Variants in AGPAT4 observed in about 807,000 individuals in gnomAD.
AGPAT4 encodes 1-acyl-sn-glycerol-3-phosphate acyltransferase delta.
A neutral mutation model predicts 48.0 loss-of-function variants in AGPAT4; 15 were observed. The ratio of observed to expected loss-of-function variants is 0.31; its 90% CI spans 0.21 to 0.48. The LOEUF (loss-of-function observed/expected upper bound fraction) is 0.48, where lower values mean the gene tolerates loss of function less well. AGPAT4 is among the 20% of genes least tolerant of loss of function. The pLI is 0.99. For missense variants in AGPAT4, 314 were observed against 482.5 expected (o/e 0.65, Z 3.27); for synonymous variants, 178 against 198.7 (o/e 0.90, Z 0.88).
intron 2 of AGPAT4, among the ~76,000 whole-genome samples, chr6:161,188,595 C>T (rs1174298377): frequency 6.6e-6 from 1 of 152,136 alleles, no homozygotes; most frequent in Non-Finnish European, 1.5e-5. Context: ...CATTATGAGG[C>T]ATGCAATATC....
At position 161,234,482 on chromosome 6, in the gene AGPAT4, T is replaced by C. The variant is rs1782214647; in HGVS notation, c.-89-2180A>G. Among the ~76,000 whole-genome samples the C allele has an allele frequency of 6.6e-6, 1 of 152,152 alleles. No homozygotes were observed. The highest frequency in any genetic ancestry group is 1.5e-5 in the Non-Finnish European group (1 of 68,028). The stretch of plus-strand genomic sequence containing the variant: ...ATTTCCAGGCTGGAAAACTCCTTAC[T>C]GAGTTTCAACACTCCCAGGCTCCCA... On this transcript the variant is annotated intron_variant, in intron 1 of 8. Coordinates refer to ENST00000320285, the MANE Select transcript of AGPAT4 (RefSeq NM_020133.3). This position sits in a 1 kb window ranked among gnomAD's most constrained non-coding sequence, Gnocchi z 4.4.
intron 2 of AGPAT4, among the ~76,000 whole-genome samples, chr6:161,170,136 G>A (rs776601878): frequency 1.3e-5 from 2 of 152,134 alleles, no homozygotes; most frequent in Non-Finnish European, 2.9e-5. Flanking sequence ...GCTTGTGCTT[G>A]GTGGTTCCAA....
At chr6:161,265,763 A>G (rs973264763) in intron 1 of AGPAT4, among the ~76,000 whole-genome samples, 16 of 152,130 alleles carry the variant, frequency 1.1e-4, no homozygotes, top group African/African-American at 3.6e-4. Flanking sequence ...CTATCAGGCC[A>G]CCGAGCCTGG....
rs1387955493 is a variant in AGPAT4, at chr6:161,219,908, CAGGCAGGCGGCAGGCA to C, written c.178+12112_178+12127del. ...GCAGGCAGGCAGGCAGGCAGGCAGGCAGGCAGGCGGCAGGCAGGCAGGCAGGCAGGCAGGCAGGCAG... is the reference window on the plus strand; with the variant it reads ...GCAGGCAGGCAGGCAGGCAGGCAGGCGGCAGGCAGGCAGGCAGGCAGGCAG... On this transcript the variant is annotated intron_variant, in intron 2 of 8. Transcript: ENST00000320285. The surrounding 1 kb of genome is among the most constrained non-coding windows in gnomAD (Gnocchi z 4.9). Among the ~76,000 whole-genome samples the C allele has an allele frequency of 7.2e-5, 9 of 124,826 alleles. No homozygotes were observed. The highest frequency in any genetic ancestry group is 2.2e-4 in the African/African-American group (7 of 32,108). The allele number at this position is 124,826 out of a possible 152,430, so 81.9% of individuals were successfully genotyped here.
intron 2 of AGPAT4, among the ~76,000 whole-genome samples, chr6:161,185,504 A>G (rs1780744737): frequency 6.6e-6 from 1 of 152,084 alleles, no homozygotes; most frequent in South Asian, 2.1e-4. Flanking sequence ...ATGTGGGGTG[A>G]TATTTCATGA....
rs1781064581 is a variant in AGPAT4, at chr6:161,196,368, A to T, written c.179-29951T>A. Among the ~76,000 whole-genome samples, 1 of 152,162 alleles carries T rather than the reference A, an allele frequency of 6.6e-6. No individual in the cohort carries two copies. Among genetic ancestry groups the T allele is most frequent in the South Asian group, 2.1e-4 (1 of 4,826 alleles). ...CAAACCCAACAGATAAGTCACATCA[A>T]ATAACACCTAGTGCCTGGGTTGGGG... On this transcript the variant is annotated intron_variant, in intron 2 of 8. Transcript: ENST00000320285. The surrounding 1 kb of genome is among the most constrained non-coding windows in gnomAD (Gnocchi z 4.3).
chr6:161,203,381 CTT>C (rs10585542), intron 2 of AGPAT4, among the ~76,000 whole-genome samples: 22,335 of 109,796 alleles, frequency 0.2, 2,086 homozygotes, highest in Middle Eastern at 0.28. Context: ...CTTTTTCTTT[CTT>C]TTTTTTTTTT....
intron 4 of AGPAT4, among the ~76,000 whole-genome samples, chr6:161,153,836 G>A (rs564953941): frequency 7.1e-6 from 1 of 139,936 alleles, no homozygotes; most frequent in East Asian, 2.0e-4. Context: ...GTCACACATA[G>A]CCCCAGGGTC....
intron 2 of AGPAT4, among the ~76,000 whole-genome samples, chr6:161,168,355 A>G (rs1186233702): frequency 6.6e-6 from 1 of 152,090 alleles, no homozygotes; most frequent in African/African-American, 2.4e-5. Context: ...GATGCTTCCA[A>G]GAGACTCACA....
At chr6:161,191,653 G>A (rs1009032370) in intron 2 of AGPAT4, among the ~76,000 whole-genome samples, 25 of 152,208 alleles carry the variant, frequency 1.6e-4, no homozygotes, top group African/African-American at 6.0e-4. Context: ...TAGATTAAAA[G>A]TACAAGGTTA....
At chr6:161,269,514 G>A (rs1277675180) in intron 1 of AGPAT4, among the ~76,000 whole-genome samples, 1 of 152,170 alleles carries the variant, frequency 6.6e-6, no homozygotes, top group African/African-American at 2.4e-5. Flanking sequence ...GGTGGCTCAC[G>A]CCTGCAGTCC....
In AGPAT4 at chr6:161,246,411, A is replaced by T. The variant is rs1028241833; in HGVS notation, c.-89-14109T>A. ...AGACTTCTGAGCATAGGCACAGGGG[A>T]TTCTTTTTTTTTTTTGAGACAGAGT... On this transcript the variant is annotated intron_variant, in intron 1 of 8. Transcript: ENST00000320285. This position sits in a 1 kb window ranked among gnomAD's most constrained non-coding sequence, Gnocchi z 5.5. Among the ~76,000 whole-genome samples, 3 of 146,840 alleles carry T rather than the reference A, an allele frequency of 2.0e-5. No homozygotes were observed. Among genetic ancestry groups the T allele is most frequent in the African/African-American group, 8.0e-5 (3 of 37,384 alleles).
intron 2 of AGPAT4, among the ~76,000 whole-genome samples, chr6:161,173,813 A>G (rs1056960289): frequency 3.9e-5 from 6 of 152,154 alleles, no homozygotes; most frequent in Non-Finnish European, 7.4e-5. Flanking sequence ...ACCTTGAATT[A>G]ATTTTTGTAT....
In AGPAT4 at chr6:161,221,058, C is replaced by T. The variant is rs1781821639; in HGVS notation, c.178+10978G>A. Among the ~76,000 whole-genome samples, 1 of 152,190 alleles carries T rather than the reference C, an allele frequency of 6.6e-6. No individual in the cohort carries two copies. The highest frequency in any genetic ancestry group is 1.5e-5 in the Non-Finnish European group (1 of 68,024). On this transcript the variant is annotated intron_variant, in intron 2 of 8. Coordinates refer to ENST00000320285, the MANE Select transcript of AGPAT4 (RefSeq NM_020133.3). The surrounding 1 kb of genome is among the most constrained non-coding windows in gnomAD (Gnocchi z 4.5). ...CTCAGCCTCCCAAAGTGCTGGATTA[C>T]AGGCATGAGCCACCGCACCCGGCCC...
chr6:161,145,116 G>A (rs557005629), intron 7 of AGPAT4, among the ~76,000 whole-genome samples: 9 of 151,726 alleles, frequency 5.9e-5, no homozygotes, highest in African/African-American at 2.2e-4. Context: ...TCTCTGTCGG[G>A]GCACATATGT....
rs1382171514 is a variant in AGPAT4 at position 161,208,917 on chromosome 6, T to C, written c.178+23119A>G. On this transcript the variant is annotated intron_variant, in intron 2 of 8. Transcript: ENST00000320285. The surrounding 1 kb of genome is among the most constrained non-coding windows in gnomAD (Gnocchi z 4.6). ...TGAAACAATGTAATCAGAACTACCA[T>C]TGGGGAACACAAGCAAACCCACACC... is the stretch of plus-strand genomic sequence containing the variant. Among the ~76,000 whole-genome samples the C allele has an allele frequency of 6.6e-6, 1 of 152,098 alleles. No individual in the cohort carries two copies. The highest frequency in any genetic ancestry group is 1.5e-5 in the Non-Finnish European group (1 of 68,018).
chr6:161,252,986 C>T (rs1453840690), intron 1 of AGPAT4, among the ~76,000 whole-genome samples: 1 of 151,926 alleles, frequency 6.6e-6, no homozygotes, highest in Non-Finnish European at 1.5e-5. Context: ...GAGGCCAAGG[C>T]AGGCAGATCA....
chr6:161,232,262 G>A lies in AGPAT4; in HGVS notation c.-49C>T. 6.4e-7 allele frequency: 1 copy of A among 1,552,502 alleles called. No homozygotes were observed. Among genetic ancestry groups the A allele is most frequent in the Non-Finnish European group, 8.8e-7 (1 of 1,141,480 alleles). On this transcript the variant is annotated 5_prime_UTR_variant, in exon 2 of 9. Coordinates refer to ENST00000320285, the MANE Select transcript of AGPAT4 (RefSeq NM_020133.3). This position sits in a 1 kb window ranked among gnomAD's most constrained non-coding sequence, Gnocchi z 6.8. ...AAATAAATAACTACCCACAGTCAAA[G>A]ATTTCCAGAAGGAAGAAAGATCCAG...
Position 161,272,875 on chromosome 6 carries a change from A to G in AGPAT4, c.-90+1063T>C, listed in dbSNP as rs1311009344. Among the ~76,000 whole-genome samples, 2 of 152,216 alleles carry G rather than the reference A, an allele frequency of 1.3e-5. No homozygotes were observed. The highest frequency in any genetic ancestry group is 2.4e-5 in the African/African-American group (1 of 41,452). On this transcript the variant is annotated intron_variant, in intron 1 of 8. Transcript: ENST00000320285. This position sits in a 1 kb window ranked among gnomAD's most constrained non-coding sequence, Gnocchi z 4.2. ...AGAGAGTGAATAGCGTGGCTAATCC[A>G]TCTAAGAACAATGCACGAAAACGAA...
Sources: gnomAD v4.1 joint callset for allele counts (sites outside exome capture counted in the v4.1 genomes callset) on GRCh38, gnomAD v4.1.1 for gene constraint, Gnocchi (gnomAD v3.1) non-coding constraint, MANE v1.5 for transcripts, NCBI Gene and HGNC (gene_info 2026-07-23, HGNC 2026-07-21) for gene names.